The following FNDC1 variants were observed in gnomAD, a reference collection of about 807,000 sequenced individuals.
FNDC1 encodes the protein fibronectin type III domain-containing protein 1.
FNDC1 carries 96 observed loss-of-function variants against 168.0 expected under a neutral mutation model. That is an observed-to-expected ratio of 0.57 (90% CI 0.48 to 0.68). The LOEUF (loss-of-function observed/expected upper bound fraction) is 0.68. Ranked by LOEUF, FNDC1 falls within the 30% of genes least tolerant of loss-of-function variation. The pLI is 0.00. For synonymous variants in FNDC1, 1,099 were observed against 1,025.9 expected, an observed-to-expected ratio of 1.07 and a Z score of -1.36; for missense variants, 2,587 against 2,482.1, an observed-to-expected ratio of 1.04 and a Z score of -0.90.
rs1782939454 is a variant in FNDC1, at chr6:159,225,635, A to G, written c.985A>G (p.Thr329Ala). 6.2e-7 allele frequency: 1 copy of G among 1,613,938 alleles called. No homozygotes were observed. The highest frequency in any genetic ancestry group is 8.5e-7 in the Non-Finnish European group (1 of 1,179,856). Reference sequence around the variant, plus strand: ...GCTGATTGAGAACCTGATTCCAGACACTGTGTATGAATTTGCAGTCCGTAT... The same window carrying G: ...GCTGATTGAGAACCTGATTCCAGACGCTGTGTATGAATTTGCAGTCCGTAT... ...RVLIENLIPD[T>A]VYEFAVRISQ... Residue 329 changes from threonine (T) to alanine (A), a missense_variant, in exon 8 of 23, where the codon ACT becomes GCT. Thr to Ala is a moderately conservative substitution (Grantham distance 58). Coordinates refer to ENST00000297267, the MANE Select transcript of FNDC1 (RefSeq NM_032532.3).
At chr6:159,269,223 A>G (rs1399344935) in intron 22 of FNDC1, among the ~76,000 whole-genome samples, 3 of 136,586 alleles carry the variant, frequency 2.2e-5, no homozygotes, top group African/African-American at 9.4e-5. Flanking sequence ...CTATCTATCT[A>G]TCTATCTATC....
intron 1 of FNDC1, among the ~76,000 whole-genome samples, chr6:159,187,936 C>T (rs1308143063): frequency 6.6e-6 from 1 of 152,206 alleles, no homozygotes; most frequent in African/African-American, 2.4e-5. Flanking sequence ...TTGATTCCTA[C>T]CTCCAAGCTA....
intron 9 of FNDC1, among the ~76,000 whole-genome samples, chr6:159,226,957 C>T (rs1329967845): frequency 1.3e-5 from 2 of 152,202 alleles, no homozygotes; most frequent in African/African-American, 2.4e-5. Context: ...CCATCAGTAT[C>T]TTTCATGGGA....
intron 14 of FNDC1, 49 bp from the exon 15 acceptor site, chr6:159,246,852 C>T: frequency 4.4e-6 from 6 of 1,362,282 alleles, no homozygotes; most frequent in Non-Finnish European, 6.3e-6. Context: ...CTGAGAGAAC[C>T]CTGGAGAAGG....
At chr6:159,226,126 G>A (rs1402681896) in intron 8 of FNDC1, among the ~76,000 whole-genome samples, 2 of 152,138 alleles carry the variant, frequency 1.3e-5, no homozygotes, top group South Asian at 4.1e-4. Flanking sequence ...CTGTATCCAA[G>A]GCTACCATTC....
chr6:159,170,367 C>T (rs1781627875), intron 1 of FNDC1, among the ~76,000 whole-genome samples: 1 of 152,190 alleles, frequency 6.6e-6, no homozygotes, highest in African/African-American at 2.4e-5. Context: ...CTCGCCCTTC[C>T]CCAATGGCTG....
chr6:159,221,523 C>T, intron 5 of FNDC1, 75 bp from the exon 6 acceptor site: 1 of 1,197,638 alleles, frequency 8.3e-7, no homozygotes. Context: ...TGCAGAACCC[C>T]CGCTCCAGCC....
intron 1 of FNDC1, among the ~76,000 whole-genome samples, chr6:159,194,325 G>A (rs758575931): frequency 3.3e-5 from 5 of 152,148 alleles, no homozygotes; most frequent in African/African-American, 7.2e-5. Flanking sequence ...TTGAATTGAT[G>A]TTTGGGTTTG....
In FNDC1 at chr6:159,221,610, T is replaced by G; in HGVS notation, c.680T>G (p.Val227Gly). The change falls in exon 6 of 23, where the codon GTG (valine) becomes GGG (glycine). Residue 227 changes from valine (V) to glycine (G), a missense_variant. Physicochemically the swap from Val to Gly is moderately radical, Grantham distance 109. Transcript: ENST00000297267. ...HEIKKLASES[V>G]YVVSLQSMNS... ...CCCTGGTCCACAGCCTCGGAATCCG[T>G]GTATGTGGTCTCCCTGCAGTCCATG... 6.2e-7 allele frequency: 1 copy of G among 1,613,666 alleles called. No individual in the cohort carries two copies. Among genetic ancestry groups the G allele is most frequent in the South Asian group, 1.1e-5 (1 of 91,074 alleles).
chr6:159,233,197 T>A lies in FNDC1; in HGVS notation c.2685T>A (p.Pro895=). 6.2e-7 allele frequency: 1 copy of A among 1,612,486 alleles called. No individual in the cohort carries two copies. Among genetic ancestry groups the A allele is most frequent in the Admixed American group, 1.7e-5 (1 of 59,778 alleles). ...LPATVVNDHV[P]SSSRQPISRG... is the part of the protein sequence containing the mutation. Reference sequence around the variant, plus strand: ...CCACCGTTGTCAATGACCACGTGCCTTCCTCCTCCAGGCAGCCCATCTCCC... The same window carrying A: ...CCACCGTTGTCAATGACCACGTGCCATCCTCCTCCAGGCAGCCCATCTCCC... Residue 895 remains proline (P), a synonymous_variant, in exon 11 of 23, where the codon CCT becomes CCA. Coordinates refer to ENST00000297267, the MANE Select transcript of FNDC1 (RefSeq NM_032532.3). The surrounding 1 kb of genome is among the most constrained non-coding windows in gnomAD (Gnocchi z 4.6).
At chr6:159,192,009 A>C (rs1782151812) in intron 1 of FNDC1, among the ~76,000 whole-genome samples, 1 of 152,094 alleles carries the variant, frequency 6.6e-6, no homozygotes, top group African/African-American at 2.4e-5. Flanking sequence ...AGCTGGGACT[A>C]CAGGTGCACG....
At chr6:159,186,573 C>T (rs1245438027) in intron 1 of FNDC1, among the ~76,000 whole-genome samples, 10 of 152,342 alleles carry the variant, frequency 6.6e-5, no homozygotes, top group Non-Finnish European at 1.5e-5. Context: ...CTGGCAGTTG[C>T]CTGCATGGCA....
intron 1 of FNDC1, among the ~76,000 whole-genome samples, chr6:159,175,593 CCAA>C (rs1339112544): frequency 6.6e-6 from 1 of 152,184 alleles, no homozygotes; most frequent in Non-Finnish European, 1.5e-5. Flanking sequence ...GTGTTGAACT[CCAA>C]CAAGGCTAAA....
At chr6:159,234,530 T>C in intron 11 of FNDC1, 51 bp downstream of exon 11, 1 of 1,564,290 alleles carries the variant, frequency 6.4e-7, no homozygotes, top group South Asian at 1.1e-5. Flanking sequence ...GTGGTGTTCA[T>C]GGCAATGCCT....
In FNDC1 at chr6:159,264,980, C is replaced by T; in HGVS notation, c.5260C>T (p.Pro1754Ser). Residue 1754 changes from proline (P) to serine (S), a missense_variant, in exon 20 of 23, where the codon CCT becomes TCT. Physicochemically the swap from Pro to Ser is moderately conservative, Grantham distance 74. Coordinates refer to ENST00000297267, the MANE Select transcript of FNDC1 (RefSeq NM_032532.3). The part of the protein sequence containing the change: ...SVSFVTESDN[P>S]LLVVRPPGGE... Reference sequence around the variant, plus strand: ...ATTTCTTTTTCATTCTACAGATAATCCTCTGCTTGTTGTGAGGCCCCCAGG... The same window carrying T: ...ATTTCTTTTTCATTCTACAGATAATTCTCTGCTTGTTGTGAGGCCCCCAGG... 5.0e-6 allele frequency: 8 copies of T among 1,604,908 alleles called. No individual in the cohort carries two copies. The highest frequency in any genetic ancestry group is 1.7e-4 in the Middle Eastern group (1 of 6,040).
intron 14 of FNDC1, among the ~76,000 whole-genome samples, chr6:159,246,608 G>A (rs1160842914): frequency 6.6e-6 from 1 of 152,202 alleles, no homozygotes; most frequent in African/African-American, 2.4e-5. Flanking sequence ...TGGGAGGGAG[G>A]TGAGAGAGAG....
rs184993990 is a variant in FNDC1, at chr6:159,235,180, C to T, written c.3967+701C>T. Among the ~76,000 whole-genome samples the T allele has an allele frequency of 4.3e-3, 658 of 152,288 alleles. 4 individuals are homozygous for T. Among genetic ancestry groups the T allele is most frequent in the Middle Eastern group, 0.031 (9 of 294 alleles). On this transcript the variant is annotated intron_variant, in intron 11 of 22. Coordinates refer to ENST00000297267, the MANE Select transcript of FNDC1 (RefSeq NM_032532.3). ...TGTATTTCTATAACAGAGGGTTGAA[C>T]AAAGTCCGCTATGAACTGGAATTTA...
rs775569158 is a variant in FNDC1 at position 159,225,549 on chromosome 6, G to A, written c.899G>A (p.Arg300His). ...KVVASRQYTV[R>H]YREKGELARW... is the part of the protein sequence containing the mutation. ...TTTTCTTACAGACAGTACACCGTGCGCTATCGAGAGAAGGGGGAATTGGCC... is the reference window on the plus strand; with the variant it reads ...TTTTCTTACAGACAGTACACCGTGCACTATCGAGAGAAGGGGGAATTGGCC... Residue 300 changes from arginine (R) to histidine (H), a missense_variant, in exon 8 of 23, where the codon CGC becomes CAC. Transcript: ENST00000297267. The A allele has an allele frequency of 1.9e-5, 30 of 1,613,128 alleles. No individual in the cohort carries two copies. The highest frequency in any genetic ancestry group is 1.5e-4 in the Admixed American group (9 of 59,984).
At position 159,269,242 on chromosome 6, in the gene FNDC1, T is replaced by TCC. The variant is rs1562315704; in HGVS notation, c.5569+1316_5569+1317insCC. On this transcript the variant is annotated intron_variant, in intron 22 of 22. Transcript: ENST00000297267. ...CTATCTATCTATCTATCTATCTATC[T>TCC]ATCTATCCATCTATCATCTATCTAT... Among the ~76,000 whole-genome samples, 8 of 96,582 alleles carry TCC rather than the reference T, an allele frequency of 8.3e-5. No individual in the cohort carries two copies. The East Asian group carries it at 4.1e-3, about 50-fold the overall frequency. 63.4% of individuals were successfully genotyped at this position (96,582 alleles called of 152,430 possible). A position where few individuals can be genotyped will look rare whatever the true frequency, so the allele number is the denominator to read the frequency against.
Sources: gnomAD v4.1 joint callset for allele counts (sites outside exome capture counted in the v4.1 genomes callset) on GRCh38, gnomAD v4.1.1 for gene constraint, Gnocchi (gnomAD v3.1) non-coding constraint, MANE v1.5 for transcripts, NCBI Gene and HGNC (gene_info 2026-07-23, HGNC 2026-07-21) for gene names.